Variants in AFAP1 observed in about 807,000 individuals in gnomAD.
The protein encoded by AFAP1 is actin filament-associated protein 1.
In AFAP1, 75 loss-of-function variants were observed where a neutral mutation model predicts 93.9. The observed-to-expected ratio is 0.80, with a 90% CI of 0.66 to 0.97. The LOEUF (loss-of-function observed/expected upper bound fraction) is 0.97, where lower values mean the gene tolerates loss of function less well. AFAP1 is among the 50% of genes least tolerant of loss of function. AFAP1 has a pLI of 0.00. For missense variants in AFAP1, 1,201 were observed against 1,050.8 expected (o/e 1.14, Z -1.98); for synonymous variants, 517 against 430.7 (o/e 1.20, Z -2.48).
At chr4:7,938,182 G>A (rs1418456282) in intron 1 of AFAP1, among the ~76,000 whole-genome samples, 2 of 151,742 alleles carry the variant, frequency 1.3e-5, no homozygotes, top group East Asian at 1.9e-4. Context: ...GGGGGTCTGG[G>A]GCAGCGGAGG....
intron 1 of AFAP1, among the ~76,000 whole-genome samples, chr4:7,875,030 C>T (rs1717404067): frequency 1.3e-5 from 2 of 152,130 alleles, no homozygotes; most frequent in Non-Finnish European, 1.5e-5. Context: ...CTGAGATCTG[C>T]TGATGTAGGC....
chr4:7,918,662 C>A (rs1720239230), intron 1 of AFAP1, among the ~76,000 whole-genome samples: 1 of 141,682 alleles, frequency 7.1e-6, no homozygotes, highest in Non-Finnish European at 1.5e-5. Context: ...CGGCCCAGGT[C>A]ACCCGCAAAC....
At chr4:7,775,414 G>A (rs1200626956) in intron 14 of AFAP1, 1 of 152,692 alleles carries the variant, frequency 6.5e-6, no homozygotes, top group Non-Finnish European at 1.5e-5. Flanking sequence ...GGTGGAGAAT[G>A]AACATTCTAT....
At chr4:7,856,882 C>A (rs148340577) in intron 3 of AFAP1, among the ~76,000 whole-genome samples, 1 of 152,160 alleles carries the variant, frequency 6.6e-6, no homozygotes, top group Non-Finnish European at 1.5e-5. Flanking sequence ...GCCACATGAA[C>A]GTCAATCAAT....
intron 16 of AFAP1, among the ~76,000 whole-genome samples, chr4:7,769,868 C>G (rs1023618545): frequency 1.3e-5 from 2 of 152,232 alleles, no homozygotes; most frequent in African/African-American, 4.8e-5. Flanking sequence ...GCCAACTTGA[C>G]CTATGCAGTG....
intron 9 of AFAP1, among the ~76,000 whole-genome samples, chr4:7,804,267 C>T (rs56270003): frequency 0.26 from 39,118 of 152,100 alleles, 5,336 homozygotes; most frequent in Non-Finnish European, 0.3. Flanking sequence ...CAGGCGGGAG[C>T]TTCAAGGCTC....
intron 12 of AFAP1, among the ~76,000 whole-genome samples, chr4:7,783,418 G>C (rs1474950990): frequency 6.6e-6 from 1 of 152,186 alleles, no homozygotes; most frequent in Non-Finnish European, 1.5e-5. Flanking sequence ...GGGATTACAG[G>C]CCTGAGCCAT....
rs537788742 is a variant in AFAP1 at position 7,811,517 on chromosome 4, A to G, written c.905-1754T>C. Among the ~76,000 whole-genome samples, 28 of 151,952 alleles carry G rather than the reference A, an allele frequency of 1.8e-4. No individual in the cohort carries two copies. In the East Asian group the frequency reaches 4.3e-3, roughly 23 times the overall value. ...GGGAAGTGGTCCTCTTTCTGCCTCC[A>G]CCCTGGTGCCCCCACCACAGCCAAA... On this transcript the variant is annotated intron_variant, in intron 8 of 17. Coordinates refer to ENST00000420658, the MANE Select transcript of AFAP1 (RefSeq NM_001134647.2).
intron 11 of AFAP1, among the ~76,000 whole-genome samples, chr4:7,791,779 G>A (rs1292670760): frequency 6.6e-6 from 1 of 151,640 alleles, no homozygotes; most frequent in Non-Finnish European, 1.5e-5. Flanking sequence ...CTTGAGCCCA[G>A]GAGGTTGAGG....
At chr4:7,834,577 G>A (rs1407105025) in intron 6 of AFAP1, among the ~76,000 whole-genome samples, 4 of 152,222 alleles carry the variant, frequency 2.6e-5, no homozygotes, top group African/African-American at 9.7e-5. Flanking sequence ...GAAAGCATAA[G>A]GCAGCTACTA....
chr4:7,838,608 C>G lies in AFAP1; in HGVS notation c.642G>C (p.Lys214Asn). The G allele has an allele frequency of 6.2e-7, 1 of 1,614,082 alleles. No homozygotes were observed. Among genetic ancestry groups the G allele is most frequent in the Non-Finnish European group, 8.5e-7 (1 of 1,179,974 alleles). ...TYIPKDSKKK[K>N]HELKITQQGT... ...CCTGCTGAGTAATCTTCAGCTCGTGCTTCTTCTTTTTGCTGTCTTTCGGGA... is the reference window on the plus strand; with the variant it reads ...CCTGCTGAGTAATCTTCAGCTCGTGGTTCTTCTTTTTGCTGTCTTTCGGGA... Residue 214 changes from lysine to asparagine, a missense_variant, in exon 6 of 18, where the codon AAG (lysine) becomes AAC (asparagine). Transcript: ENST00000420658.
At chr4:7,769,557 A>G (rs774480783) in intron 16 of AFAP1, among the ~76,000 whole-genome samples, 20 of 152,048 alleles carry the variant, frequency 1.3e-4, no homozygotes, top group Non-Finnish European at 2.4e-4. Flanking sequence ...GGAGGTGTTC[A>G]GGAAGGCTGA....
At chr4:7,866,258 G>A (rs904952999) in intron 3 of AFAP1, among the ~76,000 whole-genome samples, 9 of 151,058 alleles carry the variant, frequency 6.0e-5, no homozygotes, top group Non-Finnish European at 1.2e-4. Context: ...GTGCAGTGGC[G>A]CAATCTTGGC....
At chr4:7,897,583 G>A (rs1480399356) in intron 1 of AFAP1, among the ~76,000 whole-genome samples, 6 of 152,018 alleles carry the variant, frequency 3.9e-5, no homozygotes, top group Non-Finnish European at 8.8e-5. Context: ...GGAGGGCAAT[G>A]GCGTGATCTT....
In AFAP1 at chr4:7,763,458, AAT is replaced by A. The variant is rs1714096388; in HGVS notation, c.*305_*306del. ...GGGCTGGGTTGGAATCGGTGAAAGC[AAT>A]GGCCTATCTGGTTAGAAAGATGTCA... On this transcript the variant is annotated 3_prime_UTR_variant, in exon 18 of 18. Transcript: ENST00000420658. 2 of 373,296 alleles carry A rather than the reference AAT, an allele frequency of 5.4e-6. No individual in the cohort carries two copies. The highest frequency in any genetic ancestry group is 9.7e-6 in the Non-Finnish European group (2 of 206,922). 23.1% of individuals were successfully genotyped at this position (373,296 alleles called of 1,614,324 possible). A position where few individuals can be genotyped will look rare whatever the true frequency, so the allele number is the denominator to read the frequency against.
At chr4:7,865,836 G>T (rs1189032777) in intron 3 of AFAP1, among the ~76,000 whole-genome samples, 1 of 152,222 alleles carries the variant, frequency 6.6e-6, no homozygotes, top group Non-Finnish European at 1.5e-5. Context: ...GACAGTCACA[G>T]GACCACTGCT....
intron 1 of AFAP1, among the ~76,000 whole-genome samples, chr4:7,903,008 CGGCAAGTATCTGCGCCACCTCCCTCCA>C (rs1296199798): frequency 6.6e-6 from 1 of 152,204 alleles, no homozygotes; most frequent in Non-Finnish European, 1.5e-5. Context: ...ACCTCCTTCC[CGGCAAGTATCTGCGCCACCTCCCTCCA>C]GGCAAGTATC....
chr4:7,830,379 G>A (rs535986673), intron 6 of AFAP1, among the ~76,000 whole-genome samples: 5 of 152,136 alleles, frequency 3.3e-5, no homozygotes, highest in Non-Finnish European at 5.9e-5. Context: ...GACAAGAAAC[G>A]CGAGGCTGTG....
At chr4:7,857,253 A>G (rs911098210) in intron 3 of AFAP1, among the ~76,000 whole-genome samples, 4 of 152,124 alleles carry the variant, frequency 2.6e-5, no homozygotes, top group African/African-American at 7.2e-5. Context: ...TTTTTAATGT[A>G]AACTCTCCAG....
Sources: allele counts gnomAD v4.1 joint callset (sites outside exome capture counted in the v4.1 genomes callset), GRCh38; gene constraint gnomAD v4.1.1; transcripts MANE v1.5; gene names NCBI Gene and HGNC (gene_info 2026-07-23, HGNC 2026-07-21).